Variants in TMEM260 observed in about 807,000 individuals in gnomAD.
The protein encoded by TMEM260 is protein O-mannosyl-transferase TMEM260.
A neutral mutation model predicts 88.9 loss-of-function variants in TMEM260; 82 were observed. The observed-to-expected ratio is 0.92, with a 90% CI of 0.77 to 1.11. The LOEUF (loss-of-function observed/expected upper bound fraction) is 1.11, where lower values mean the gene tolerates loss of function less well. TMEM260 is among the 50% of genes least tolerant of loss of function. The pLI is 0.00. For missense variants in TMEM260, 902 were observed against 853.4 expected (o/e 1.06, Z -0.71); for synonymous variants, 314 against 309.3 (o/e 1.02, Z -0.16).
intron 11 of TMEM260, among the ~76,000 whole-genome samples, chr14:56,624,523 C>G (rs1447036834): frequency 6.6e-6 from 1 of 152,186 alleles, no homozygotes; most frequent in Admixed American, 6.5e-5. Flanking sequence ...GGGCTGAGAT[C>G]ATGCCACTGT....
chr14:56,607,804 A>G (rs1049033210), intron 5 of TMEM260, among the ~76,000 whole-genome samples: 1 of 152,148 alleles, frequency 6.6e-6, no homozygotes, highest in Non-Finnish European at 1.5e-5. Flanking sequence ...AGACATCAGT[A>G]TTTTTAAGAA....
intron 11 of TMEM260, 147 bp from the exon 12 acceptor site, chr14:56,625,235 C>A: frequency 1.4e-6 from 1 of 714,804 alleles, no homozygotes; most frequent in Non-Finnish European, 2.2e-6. Flanking sequence ...TAATCAGTAC[C>A]ACATTCTCAG....
At chr14:56,640,355 C>G (rs985697319) in intron 15 of TMEM260, among the ~76,000 whole-genome samples, 3 of 152,210 alleles carry the variant, frequency 2.0e-5, no homozygotes, top group Admixed American at 2.0e-4. Flanking sequence ...CGCTGTTCTG[C>G]AGCCTCCACT....
At chr14:56,644,160 A>G (rs1310571110) in intron 15 of TMEM260, among the ~76,000 whole-genome samples, 2 of 152,340 alleles carry the variant, frequency 1.3e-5, no homozygotes, top group African/African-American at 2.4e-5. Flanking sequence ...AAAGTACTTT[A>G]AAGTTCATAT....
At chr14:56,593,518 T>C (rs1292615591) in intron 3 of TMEM260, among the ~76,000 whole-genome samples, 1 of 151,844 alleles carries the variant, frequency 6.6e-6, no homozygotes, top group Admixed American at 6.6e-5. Flanking sequence ...TATAAAATTA[T>C]TTATATAAAA....
intron 10 of TMEM260, among the ~76,000 whole-genome samples, chr14:56,620,535 G>GT (rs1887853459): frequency 6.6e-6 from 1 of 152,184 alleles, no homozygotes; most frequent in Non-Finnish European, 1.5e-5. Context: ...CAGGCTAGGT[G>GT]TTTTTATCTT....
intron 15 of TMEM260, among the ~76,000 whole-genome samples, chr14:56,640,773 T>A (rs1889528974): frequency 1.3e-5 from 2 of 151,958 alleles, no homozygotes; most frequent in Non-Finnish European, 2.9e-5. Flanking sequence ...AATGGATAAC[T>A]AGAATAACCA....
chr14:56,611,630 C>T (rs958768973), intron 6 of TMEM260, among the ~76,000 whole-genome samples: 2 of 152,118 alleles, frequency 1.3e-5, no homozygotes, highest in Non-Finnish European at 2.9e-5. Context: ...AGCAATGTGG[C>T]GATTTCTGAA....
chr14:56,611,482 C>T (rs1887272849), intron 6 of TMEM260, among the ~76,000 whole-genome samples: 1 of 152,058 alleles, frequency 6.6e-6, no homozygotes, highest in Non-Finnish European at 1.5e-5. Flanking sequence ...AAATTGGAAC[C>T]ACAATGAAAT....
In TMEM260 at chr14:56,636,612, T is replaced by G. The variant is rs1039782469; in HGVS notation, c.1869+14T>G. The G allele has an allele frequency of 3.1e-6, 5 of 1,607,038 alleles. No homozygotes were observed. The highest frequency in any genetic ancestry group is 4.3e-6 in the Non-Finnish European group (5 of 1,173,688). The stretch of plus-strand genomic sequence containing the variant: ...CAAGCATATGACGTATGTTACACTT[T>G]TATATGTAGATATAGATATATTTGG... On this transcript the variant is annotated intron_variant, in intron 15 of 15. Transcript: ENST00000261556.
intron 4 of TMEM260, among the ~76,000 whole-genome samples, chr14:56,605,278 A>G (rs1423339444): frequency 1.1e-4 from 16 of 152,210 alleles, no homozygotes; most frequent in Non-Finnish European, 1.2e-4. Flanking sequence ...GCATTACACA[A>G]TACCCTATTA....
At chr14:56,610,334 G>A (rs557384003) in intron 6 of TMEM260, among the ~76,000 whole-genome samples, 104 of 152,160 alleles carry the variant, frequency 6.8e-4, no homozygotes, top group Non-Finnish European at 1.2e-3. Flanking sequence ...TCCGCCTCCC[G>A]GGTTCACGCC....
rs1887092099 is a variant in TMEM260, at chr14:56,609,115, C to A, written c.646C>A (p.Leu216Met). 6 of 1,613,956 alleles carry A rather than the reference C, an allele frequency of 3.7e-6. No homozygotes were observed. The highest frequency in any genetic ancestry group is 1.7e-5 in the Admixed American group (1 of 59,992). ...FQLLKKKELS[L>M]GSLLKLSLYF... is the part of the protein sequence containing the mutation. ...ATGTGCTCTGATGCAGGAACTCTCC[C>A]TGGGCTCTTTGTTGAAGTTGAGCCT... The change falls in exon 6 of 16, where the codon CTG becomes ATG. Residue 216 changes from leucine to methionine, a missense_variant. Physicochemically the swap from Leu to Met is conservative, Grantham distance 15. Transcript: ENST00000261556.
At chr14:56,661,728 T>A in the TMEM260 span, among the ~76,000 whole-genome samples, 1 of 152,196 alleles carries the variant, frequency 6.6e-6, no homozygotes, top group Non-Finnish European at 1.5e-5. Context: ...GAGGAATAAT[T>A]GTCCTTTCTC....
At chr14:56,634,190 C>G (rs1282056389) in intron 13 of TMEM260, among the ~76,000 whole-genome samples, 1 of 152,282 alleles carries the variant, frequency 6.6e-6, no homozygotes. Flanking sequence ...AGTGATTTTC[C>G]AAGCCAGGAG....
intron 15 of TMEM260, chr14:56,638,133 A>C (rs12893763): frequency 2.0e-5 from 3 of 152,016 alleles, no homozygotes; most frequent in Non-Finnish European, 4.4e-5. Context: ...AGTCCATAAG[A>C]AGCAAGCCAT....
chr14:56,645,256 A>G (rs1245175316), intron 15 of TMEM260, among the ~76,000 whole-genome samples: 2 of 151,350 alleles, frequency 1.3e-5, no homozygotes, highest in Non-Finnish European at 3.0e-5. Flanking sequence ...ATGTCCAACA[A>G]AGATAGACTG....
At chr14:56,640,218 C>T (rs773194374) in intron 15 of TMEM260, among the ~76,000 whole-genome samples, 57 of 152,156 alleles carry the variant, frequency 3.7e-4, no homozygotes, top group Non-Finnish European at 5.9e-4. Context: ...CCCTGACCCC[C>T]GAGTAGCCTA....
chr14:56,642,205 A>T (rs564834604), intron 15 of TMEM260, among the ~76,000 whole-genome samples: 2 of 152,322 alleles, frequency 1.3e-5, no homozygotes, highest in Non-Finnish European at 2.9e-5. Context: ...CAGAATATAC[A>T]TTCTTCTCAG....
Sources: gnomAD v4.1 joint callset for allele counts (sites outside exome capture counted in the v4.1 genomes callset) on GRCh38, gnomAD v4.1.1 for gene constraint, MANE v1.5 for transcripts, NCBI Gene and HGNC (gene_info 2026-07-23, HGNC 2026-07-21) for gene names.